The following INPP4A variants were observed in gnomAD, a reference collection of about 807,000 sequenced individuals.
INPP4A encodes inositol polyphosphate-4-phosphatase type I A.
INPP4A carries 33 observed loss-of-function variants against 119.8 expected under a neutral mutation model. The ratio of observed to expected loss-of-function variants is 0.28; its 90% CI spans 0.21 to 0.37. The LOEUF is 0.37. Ranked by LOEUF, INPP4A falls within the 10% of genes least tolerant of loss-of-function variation. The pLI is 1.00. For missense variants in INPP4A, 956 were observed against 1,289.9 expected (o/e 0.74, Z 3.97); for synonymous variants, 496 against 500.7 (o/e 0.99, Z 0.12).
chr2:98,461,634 A>G (rs1054104563), intron 1 of INPP4A, among the ~76,000 whole-genome samples: 1 of 152,252 alleles, frequency 6.6e-6, no homozygotes, highest in African/African-American at 2.4e-5. Flanking sequence ...TCCTCTAGCC[A>G]TCCATGTCCC....
intron 4 of INPP4A, among the ~76,000 whole-genome samples, chr2:98,530,541 T>G (rs1689030634): frequency 6.6e-6 from 1 of 152,202 alleles, no homozygotes; most frequent in Non-Finnish European, 1.5e-5. Context: ...GGACTACAGG[T>G]TCATTAAGTT....
At position 98,591,517 on chromosome 2, in the gene INPP4A, T is replaced by A. The variant is rs1211067391; in HGVS notation, c.*3909T>A. 2.0e-5 allele frequency: 3 copies of A among 152,162 alleles called. No homozygotes were observed. The highest frequency in any genetic ancestry group is 7.2e-5 in the African/African-American group (3 of 41,430). 9.4% of individuals were successfully genotyped at this position (152,162 alleles called of 1,614,324 possible). ...GGCCTAATTTTGCTTCTCTTTAAAG[T>A]TAAGCCAAGAAGAAGACATGTCAGG... On this transcript the variant is annotated 3_prime_UTR_variant, in exon 25 of 25. Coordinates refer to ENST00000409851, the MANE Select transcript of INPP4A (RefSeq NM_001134225.2).
chr2:98,500,091 C>A (rs1198641790), intron 1 of INPP4A, among the ~76,000 whole-genome samples: 1 of 152,226 alleles, frequency 6.6e-6, no homozygotes, highest in East Asian at 1.9e-4. Context: ...CTAACTCCTA[C>A]CTTTTTAAGG....
At chr2:98,507,250 C>T (rs1366208522) in intron 1 of INPP4A, among the ~76,000 whole-genome samples, 1 of 152,192 alleles carries the variant, frequency 6.6e-6, no homozygotes, top group Non-Finnish European at 1.5e-5. Context: ...GGAATATAAA[C>T]CCGAGTTCAT....
rs150232428 is a variant in INPP4A at position 98,456,024 on chromosome 2, T to G, written c.-166+10939T>G. Among the ~76,000 whole-genome samples the G allele has an allele frequency of 3.7e-4, 56 of 152,222 alleles. 1 individual carries two copies. The highest frequency in any genetic ancestry group is 1.3e-3 in the African/African-American group (54 of 41,534). ...ACAGTCCCCCAGTACAACTACAGCATTTTTGTAAGTCCAGCCCTTGTCATT... is the reference window on the plus strand; with the variant it reads ...ACAGTCCCCCAGTACAACTACAGCAGTTTTGTAAGTCCAGCCCTTGTCATT... On this transcript the variant is annotated intron_variant, in intron 1 of 24. Transcript: ENST00000409851.
intron 1 of INPP4A, among the ~76,000 whole-genome samples, chr2:98,495,634 G>C (rs1681770182): frequency 6.6e-6 from 1 of 152,230 alleles, no homozygotes; most frequent in African/African-American, 2.4e-5. Flanking sequence ...TGGGACTTCA[G>C]CTTATAGGTG....
chr2:98,487,525 C>A (rs999385473), intron 1 of INPP4A, among the ~76,000 whole-genome samples: 12 of 152,328 alleles, frequency 7.9e-5, no homozygotes, highest in African/African-American at 2.9e-4. Flanking sequence ...AGCCACCATG[C>A]CTGGCCTGTC....
At chr2:98,462,917 C>T (rs895159321) in intron 1 of INPP4A, among the ~76,000 whole-genome samples, 1 of 152,116 alleles carries the variant, frequency 6.6e-6, no homozygotes, top group Non-Finnish European at 1.5e-5. Context: ...TCTTGGCTCA[C>T]TGCAACCTCC....
chr2:98,469,010 G>A (rs985593025), intron 1 of INPP4A, among the ~76,000 whole-genome samples: 11 of 152,174 alleles, frequency 7.2e-5, no homozygotes, highest in Non-Finnish European at 1.5e-4. Context: ...CTGGAATAGT[G>A]TTGCAATTTT....
rs547202102 is a variant in INPP4A at position 98,581,538 on chromosome 2, TTCCTTTTTCTTTC to T, written c.2786+4399_2786+4411del. On this transcript the variant is annotated intron_variant, in intron 24 of 24. Transcript: ENST00000409851. ...TTCTTTATTTTCTTTCCTTTCCTTT[TTCCTTTTTCTTTC>T]TCCCAAACTTTTTCCTTTTCACAGC... The T allele has an allele frequency of 1.6e-3, 2,340 of 1,498,534 alleles. 16 individuals are homozygous for T. The highest frequency in any genetic ancestry group is 1.2e-3 in the East Asian group (46 of 39,408). 92.8% of individuals were successfully genotyped at this position (1,498,534 alleles called of 1,614,324 possible).
chr2:98,511,638 C>T (rs1685137378), intron 1 of INPP4A, among the ~76,000 whole-genome samples: 1 of 152,160 alleles, frequency 6.6e-6, no homozygotes, highest in African/African-American at 2.4e-5. Flanking sequence ...CCTCACTTCC[C>T]TGGGAGTCCA....
At chr2:98,468,580 A>G (rs1574558067) in intron 1 of INPP4A, among the ~76,000 whole-genome samples, 1 of 148,960 alleles carries the variant, frequency 6.7e-6, no homozygotes. Context: ...GGAGGGTAAT[A>G]AAGGAAGGAA....
Position 98,587,552 on chromosome 2 carries a change from GC to G in INPP4A, c.2864del (p.Ala955ValfsTer26), listed in dbSNP as rs1423376854. The G allele has an allele frequency of 6.2e-7, 1 of 1,609,154 alleles. No homozygotes were observed. Among genetic ancestry groups the G allele is most frequent in the African/African-American group, 1.3e-5 (1 of 74,668 alleles). ...KYAFNSLQLK[A>X]FPKHYRPPEG... ...TGCATTTAATTCCCTGCAGCTGAAG[GC>G]TTTCCCCAAGCATTACAGGCCTCCC... On this transcript the variant is annotated frameshift_variant, in exon 25 of 25. Transcript: ENST00000409851. LOFTEE classifies it high-confidence loss of function.
intron 1 of INPP4A, among the ~76,000 whole-genome samples, chr2:98,455,270 C>T (rs561213763): frequency 4.6e-5 from 7 of 151,852 alleles, no homozygotes; most frequent in African/African-American, 9.7e-5. Flanking sequence ...TCCAGGAGGT[C>T]GAGGCTGCAG....
At chr2:98,467,031 T>A (rs1340357434) in intron 1 of INPP4A, among the ~76,000 whole-genome samples, 1 of 152,210 alleles carries the variant, frequency 6.6e-6, no homozygotes, top group Non-Finnish European at 1.5e-5. Context: ...AGACTGGACA[T>A]CTGCATCTGG....
At position 98,489,979 on chromosome 2, in the gene INPP4A, AG is replaced by A. The variant is rs1680364568; in HGVS notation, c.-165-28982del. 2.0e-5 allele frequency among the ~76,000 whole-genome samples: 3 copies of A among 150,652 alleles called. No homozygotes were observed. The South Asian group carries it at 6.3e-4, about 32-fold the overall frequency. Reference sequence around the variant, plus strand: ...TGTGGAGTGAGGAGGACACTTTAGAAGGGCCTAGGGTGATGGAGCTAATGCA... The same window carrying A: ...TGTGGAGTGAGGAGGACACTTTAGAAGGCCTAGGGTGATGGAGCTAATGCA... On this transcript the variant is annotated intron_variant, in intron 1 of 24. Coordinates refer to ENST00000409851, the MANE Select transcript of INPP4A (RefSeq NM_001134225.2).
intron 1 of INPP4A, among the ~76,000 whole-genome samples, chr2:98,462,621 G>T (rs929811518): frequency 1.3e-5 from 2 of 151,530 alleles, no homozygotes; most frequent in South Asian, 2.1e-4. Context: ...TGCCTTCCAG[G>T]CTCAAGTGAT....
intron 1 of INPP4A, among the ~76,000 whole-genome samples, chr2:98,487,746 A>C (rs1003523123): frequency 6.6e-6 from 1 of 152,262 alleles, no homozygotes; most frequent in African/African-American, 2.4e-5. Flanking sequence ...TATAAAAAGC[A>C]GAAATGTTAC....
chr2:98,513,415 T>C (rs920321819), intron 1 of INPP4A, among the ~76,000 whole-genome samples: 1 of 152,258 alleles, frequency 6.6e-6, no homozygotes, highest in Non-Finnish European at 1.5e-5. Flanking sequence ...TAAAAGTTGA[T>C]TCATAGCACT....
Sources: allele counts gnomAD v4.1 joint callset (sites outside exome capture counted in the v4.1 genomes callset), GRCh38; gene constraint gnomAD v4.1.1; transcripts MANE v1.5; gene names NCBI Gene and HGNC (gene_info 2026-07-23, HGNC 2026-07-21).